PPP3CB: variants seen among roughly 807,000 people sequenced by gnomAD.
PPP3CB encodes protein phosphatase 3 catalytic subunit beta.
A neutral mutation model predicts 66.4 loss-of-function variants in PPP3CB; 8 were observed. The ratio of observed to expected loss-of-function variants is 0.12; its 90% confidence interval spans 0.07 to 0.22. The LOEUF (loss-of-function observed/expected upper bound fraction) is 0.22, where lower values mean the gene tolerates loss of function less well. Among genes scored for constraint, PPP3CB ranks in the 10% least tolerant of loss-of-function variants. PPP3CB has a pLI of 1.00. For synonymous variants in PPP3CB, 208 were observed against 221.2 expected (o/e 0.94, Z 0.53); for missense variants, 319 against 642.5 (o/e 0.50, Z 5.44).
chr10:73,491,022 GTTTTTTTTTTTTTTT>G (rs528238766), intron 1 of PPP3CB, among the ~76,000 whole-genome samples: 28 of 40,894 alleles, frequency 6.8e-4, no homozygotes, highest in South Asian at 3.0e-3. Flanking sequence ...TGTTTTTATT[GTTTTTTTTTTTTTTT>G]TTTTTTTTTT....
At chr10:73,454,543 A>G in intron 9 of PPP3CB, 54 bp from the exon 10 acceptor site, 4 of 1,177,224 alleles carry the variant, frequency 3.4e-6, no homozygotes, top group Non-Finnish European at 5.0e-6. Context: ...CTGTCTATAC[A>G]TACACATAGC....
chr10:73,470,826 G>C, intron 7 of PPP3CB, 45 bp from the exon 8 acceptor site: 1 of 1,583,544 alleles, frequency 6.3e-7, no homozygotes, highest in East Asian at 2.2e-5. Flanking sequence ...CATCAATCAT[G>C]GTTACTAAGT....
At chr10:73,440,791 T>C (rs2056132152) in intron 12 of PPP3CB, among the ~76,000 whole-genome samples, 1 of 152,252 alleles carries the variant, frequency 6.6e-6, no homozygotes, top group Non-Finnish European at 1.5e-5. Context: ...TATTTCATGA[T>C]ATAGACACAT....
chr10:73,470,974 A>G lies in PPP3CB; in HGVS notation c.810-10T>C, dbSNP rs771114770. On this transcript the variant is annotated splice_polypyrimidine_tract_variant and intron_variant, in intron 6 of 13. Transcript: ENST00000360663. ...ACACACTGCTGGATAGCTGTGGGGG[A>G]AAAAGAGTAAATTAAGTAAAATAAT... 11 of 1,610,688 alleles carry G rather than the reference A, an allele frequency of 6.8e-6. No homozygotes were observed. Among genetic ancestry groups the G allele is most frequent in the Admixed American group, 1.7e-5 (1 of 59,780 alleles).
At chr10:73,489,909 C>T (rs902694784) in intron 1 of PPP3CB, among the ~76,000 whole-genome samples, 30 of 152,122 alleles carry the variant, frequency 2.0e-4, no homozygotes, top group African/African-American at 6.0e-4. Flanking sequence ...AGGACTACCT[C>T]GAAACATTAT....
chr10:73,469,821 CT>C (rs1346635426), intron 8 of PPP3CB, among the ~76,000 whole-genome samples: 1 of 152,202 alleles, frequency 6.6e-6, no homozygotes, highest in Non-Finnish European at 1.5e-5. Flanking sequence ...CTTTAACCTT[CT>C]GTTCTTTCCT....
At chr10:73,481,989 A>G (rs2056887295) in intron 1 of PPP3CB, among the ~76,000 whole-genome samples, 1 of 152,186 alleles carries the variant, frequency 6.6e-6, no homozygotes, top group Non-Finnish European at 1.5e-5. Flanking sequence ...TTTACCAATC[A>G]AAGATTAAAC....
intron 4 of PPP3CB, 141 bp downstream of exon 4, chr10:73,474,778 G>A (rs955372393): frequency 7.8e-6 from 10 of 1,287,592 alleles, no homozygotes; most frequent in East Asian, 5.4e-5. Flanking sequence ...GAGAGTGCTC[G>A]ACAACTTTCC....
At chr10:73,495,689 G>A (rs957204617) in intron 1 of PPP3CB, 116 bp downstream of exon 1, 110 of 1,423,736 alleles carry the variant, frequency 7.7e-5, no homozygotes, top group Non-Finnish European at 9.0e-5. Context: ...CCCAAGGGAG[G>A]CAGCCAGTCA....
chr10:73,457,267 A>AG (rs2056442972), intron 9 of PPP3CB, among the ~76,000 whole-genome samples: 1 of 133,126 alleles, frequency 7.5e-6, no homozygotes, highest in African/African-American at 3.4e-5. Context: ...AAAGAAAAAA[A>AG]AAAAAAAAAA....
chr10:73,439,083 T>G (rs1386951817), intron 13 of PPP3CB, among the ~76,000 whole-genome samples: 9 of 152,222 alleles, frequency 5.9e-5, no homozygotes, highest in Admixed American at 5.9e-4. Context: ...TACTGCACAG[T>G]CTTTGGAAAC....
At chr10:73,460,568 C>A (rs2056504361) in intron 9 of PPP3CB, among the ~76,000 whole-genome samples, 4 of 152,136 alleles carry the variant, frequency 2.6e-5, no homozygotes, top group Admixed American at 2.6e-4. Flanking sequence ...AACACTCCAA[C>A]TACTAATGTG....
At chr10:73,451,763 T>G (rs2056348619) in intron 10 of PPP3CB, among the ~76,000 whole-genome samples, 1 of 147,216 alleles carries the variant, frequency 6.8e-6, no homozygotes. Flanking sequence ...TTTTTTTTTT[T>G]GAGACGGAGT....
intron 13 of PPP3CB, among the ~76,000 whole-genome samples, chr10:73,439,066 T>C (rs919851794): frequency 2.6e-5 from 4 of 152,228 alleles, no homozygotes; most frequent in African/African-American, 9.6e-5. Context: ...CCTTAATTCA[T>C]TGGCCATACT....
At chr10:73,449,038 T>C (rs555663453) in intron 10 of PPP3CB, among the ~76,000 whole-genome samples, 1 of 152,264 alleles carries the variant, frequency 6.6e-6, no homozygotes, top group African/African-American at 2.4e-5. Flanking sequence ...TGCTAACAAA[T>C]ATTGCACATT....
intron 1 of PPP3CB, among the ~76,000 whole-genome samples, chr10:73,483,025 T>A (rs1358881448): frequency 6.6e-6 from 1 of 152,186 alleles, no homozygotes; most frequent in Admixed American, 6.5e-5. Flanking sequence ...CACTCCCTAC[T>A]TCCCCCTCAG....
intron 9 of PPP3CB, among the ~76,000 whole-genome samples, chr10:73,461,527 A>C (rs12245450): frequency 0.15 from 23,016 of 152,146 alleles, 2,844 homozygotes; most frequent in African/African-American, 0.32. Context: ...TTCTTTTAGC[A>C]GATTTCTCCC....
intron 12 of PPP3CB, among the ~76,000 whole-genome samples, chr10:73,443,266 GAGAAAGAAAGAAAGAAAGACAGAA>G (rs2056184824): frequency 3.3e-4 from 21 of 64,520 alleles, no homozygotes; most frequent in African/African-American, 8.5e-4. Flanking sequence ...GAGAGAGAGA[GAGAAAGAAAGAAAGAAAGACAGAA>G]AGAAAGAAAG....
intron 9 of PPP3CB, among the ~76,000 whole-genome samples, chr10:73,458,678 T>C (rs1053718805): frequency 6.6e-6 from 1 of 150,406 alleles, no homozygotes; most frequent in African/African-American, 2.4e-5. Flanking sequence ...ATATTTTACA[T>C]ATGTAAAGTA....
Sources: allele counts gnomAD v4.1 joint callset (sites outside exome capture counted in the v4.1 genomes callset), GRCh38; gene constraint gnomAD v4.1.1; transcripts MANE v1.5; gene names NCBI Gene and HGNC (gene_info 2026-07-23, HGNC 2026-07-21).